The following SMC1A variants were observed in gnomAD, a reference collection of about 807,000 sequenced individuals.
SMC1A encodes the protein structural maintenance of chromosomes 1A.
Under a neutral mutation model 94.5 loss-of-function variants are expected in SMC1A, and 4 were observed. The observed-to-expected ratio is 0.04, with a 90% CI of 0.02 to 0.10. SMC1A has a LOEUF of 0.10. SMC1A is among the 10% of genes least tolerant of loss of function. The probability of loss-of-function intolerance (pLI) is 1.00; values close to 1 mark genes in which losing one functional copy is unlikely to be tolerated. For missense variants in SMC1A, 304 were observed against 989.0 expected (o/e 0.31, Z 9.29); for synonymous variants, 345 against 347.7 (o/e 0.99, Z 0.09).
In SMC1A at chrX:53,386,446, A is replaced by G. The variant is rs2035762555; in HGVS notation, c.2974-3193T>C. 2.7e-5 allele frequency among the ~76,000 whole-genome samples: 3 copies of G among 112,488 alleles called. No homozygotes were observed. The South Asian group carries it at 1.1e-3, about 40-fold the overall frequency. ...TATGGGTTGAAGATTAAATATTATGAAACCTAATTATTCATTTTCTTAGGT... is the reference window on the plus strand; with the variant it reads ...TATGGGTTGAAGATTAAATATTATGGAACCTAATTATTCATTTTCTTAGGT... On this transcript the variant is annotated intron_variant, in intron 19 of 24. Coordinates refer to ENST00000322213, the MANE Select transcript of SMC1A (RefSeq NM_006306.4).
intron 19 of SMC1A, among the ~76,000 whole-genome samples, chrX:53,386,225 G>T (rs964431275): frequency 9.0e-5 from 10 of 111,374 alleles, no homozygotes; most frequent in Non-Finnish European, 1.9e-4. Context: ...CATAATGTGG[G>T]ACATTTTCCA....
At chrX:53,403,926 C>G (rs1439817791) in intron 13 of SMC1A, 33 bp from the exon 14 acceptor site, 1 of 1,028,473 alleles carries the variant, frequency 9.7e-7, no homozygotes, top group Non-Finnish European at 1.4e-6. Context: ...ACAAAGCAGA[C>G]CAGGCTCCTT....
At chrX:53,399,238 A>G (rs1037142706) in intron 16 of SMC1A, among the ~76,000 whole-genome samples, 7 of 111,469 alleles carry the variant, frequency 6.3e-5, no homozygotes, top group Admixed American at 1.9e-4. Context: ...ACTCCATCTC[A>G]AAAAAAGAAA....
At chrX:53,385,476 G>A (rs1033690273) in intron 19 of SMC1A, among the ~76,000 whole-genome samples, 20 of 107,932 alleles carry the variant, frequency 1.9e-4, no homozygotes, top group Middle Eastern at 4.7e-3. Flanking sequence ...GGGTTTCACC[G>A]TGTTAGCCAG....
At chrX:53,412,615 G>C (rs1458312570) in intron 5 of SMC1A, among the ~76,000 whole-genome samples, 3 of 111,928 alleles carry the variant, frequency 2.7e-5, no homozygotes, top group Non-Finnish European at 5.6e-5. Context: ...GGCCTTCTCA[G>C]CCACTCCATT....
chrX:53,391,455 C>T (rs1298587611), intron 19 of SMC1A, among the ~76,000 whole-genome samples: 4 of 100,469 alleles, frequency 4.0e-5, no homozygotes, highest in Middle Eastern at 4.7e-3. Flanking sequence ...CTTGTCTCCA[C>T]GTTAAAAAAA....
chrX:53,381,139 A>C, intron 22 of SMC1A, 52 bp from the exon 23 acceptor site: 2 of 406,761 alleles, frequency 4.9e-6, no homozygotes, highest in Non-Finnish European at 9.4e-6. Context: ...GGGGGTGGCA[A>C]GGCGGGGTGG....
intron 20 of SMC1A, among the ~76,000 whole-genome samples, 157 bp from the exon 21 acceptor site, chrX:53,382,817 G>C (rs1225266465): frequency 3.6e-5 from 4 of 110,601 alleles, no homozygotes; most frequent in Admixed American, 2.9e-4. Flanking sequence ...ATACAATGCA[G>C]AGCAAGAAAC....
intron 14 of SMC1A, 25 bp from the exon 15 acceptor site, chrX:53,403,697 A>G (rs782454549): frequency 6.7e-6 from 8 of 1,189,511 alleles, no homozygotes; most frequent in Non-Finnish European, 9.1e-6. Context: ...CAGGGAGGGC[A>G]TCGGCCCTTT....
At chrX:53,394,392 T>C (rs1265080467) in intron 19 of SMC1A, among the ~76,000 whole-genome samples, 1 of 109,621 alleles carries the variant, frequency 9.1e-6, no homozygotes, top group Non-Finnish European at 1.9e-5. Context: ...TAAAGTGATA[T>C]CCAGGATGAA....
At position 53,377,088 on chromosome X, in the gene SMC1A, T is replaced by C. The variant is rs782383302; in HGVS notation, c.*3015A>G. 8.9e-6 allele frequency: 1 copy of C among 112,040 alleles called. No homozygotes were observed. The highest frequency in any genetic ancestry group is 3.2e-5 in the African/African-American group (1 of 30,870). 9.2% of individuals were successfully genotyped at this position (112,040 alleles called of 1,213,427 possible). On this transcript the variant is annotated 3_prime_UTR_variant, in exon 25 of 25. Transcript: ENST00000322213. ...TGCCCAGCCTCCCGTGAGCATAGCC[T>C]TGACAACGGTTGCCCTGTGATGCCA...
intron 19 of SMC1A, among the ~76,000 whole-genome samples, chrX:53,384,290 G>C (rs1335904937): frequency 3.8e-5 from 4 of 104,082 alleles, no homozygotes; most frequent in African/African-American, 1.1e-4. Context: ...TGGAGACAGA[G>C]TCTCGCTCTA....
chrX:53,421,005 C>A (rs1032308908), intron 1 of SMC1A, among the ~76,000 whole-genome samples: 3 of 111,266 alleles, frequency 2.7e-5, no homozygotes, highest in Non-Finnish European at 5.7e-5. Context: ...TAGAGGTGGG[C>A]CTTGAAGAAC....
chrX:53,393,729 A>T, intron 19 of SMC1A, among the ~76,000 whole-genome samples: 2 of 111,530 alleles, frequency 1.8e-5, no homozygotes, highest in Admixed American at 1.9e-4. Context: ...ATTTTCCATA[A>T]GTTAAAAAAA....
chrX:53,410,418 C>T (rs1364200901), intron 7 of SMC1A, among the ~76,000 whole-genome samples: 2 of 110,328 alleles, frequency 1.8e-5, no homozygotes, highest in Non-Finnish European at 3.8e-5. Flanking sequence ...TGGTGAAATC[C>T]CATCTCTACT....
rs2075561803 is a variant in SMC1A, at chrX:53,376,939, T to C, written c.*3164A>G. The stretch of plus-strand genomic sequence containing the variant: ...CCCAGTTAAACTTAAGATACTGTTG[T>C]GGAGTACTCTTCAACTCCCTACAGC... On this transcript the variant is annotated 3_prime_UTR_variant, in exon 25 of 25. Transcript: ENST00000322213. 1 of 112,085 alleles carries C rather than the reference T, an allele frequency of 8.9e-6. No homozygotes were observed. Among genetic ancestry groups the C allele is most frequent in the Non-Finnish European group, 1.9e-5 (1 of 53,215 alleles). 9.2% of individuals were successfully genotyped at this position (112,085 alleles called of 1,213,427 possible).
intron 16 of SMC1A, among the ~76,000 whole-genome samples, chrX:53,397,329 C>T (rs1356000147): frequency 7.2e-5 from 8 of 111,720 alleles, no homozygotes. Flanking sequence ...ACTTGTGATT[C>T]CAGCACTTTG....
chrX:53,393,727 T>C (rs1408478078), intron 19 of SMC1A, among the ~76,000 whole-genome samples: 2 of 111,306 alleles, frequency 1.8e-5, no homozygotes, highest in Non-Finnish European at 3.8e-5. Context: ...AAATTTTCCA[T>C]AAGTTAAAAA....
At chrX:53,407,106 T>C (rs1208700380) in intron 9 of SMC1A, among the ~76,000 whole-genome samples, 2 of 112,433 alleles carry the variant, frequency 1.8e-5, no homozygotes, top group African/African-American at 6.5e-5. Context: ...CGTGAGTTCC[T>C]GACACACAAC....
Sources: gnomAD v4.1 joint callset for allele counts (sites outside exome capture counted in the v4.1 genomes callset) on GRCh38, gnomAD v4.1.1 for gene constraint, MANE v1.5 for transcripts, NCBI Gene and HGNC (gene_info 2026-07-23, HGNC 2026-07-21) for gene names.